The following SUMF1 variants were observed in gnomAD, a reference collection of about 807,000 sequenced individuals.
The protein encoded by SUMF1 is formylglycine-generating enzyme.
In SUMF1, 48 loss-of-function variants were observed where a neutral mutation model predicts 47.6. The ratio of observed to expected loss-of-function variants is 1.01; its 90% CI spans 0.80 to 1.28. The LOEUF (loss-of-function observed/expected upper bound fraction) is 1.28. Ranked by LOEUF, SUMF1 falls within the 50% of genes most tolerant of loss-of-function variation. The pLI, the probability that SUMF1 is intolerant of heterozygous loss-of-function variation, is 0.00. For missense variants in SUMF1, 571 were observed against 485.4 expected, an observed-to-expected ratio of 1.18 and a Z score of -1.66; for synonymous variants, 230 against 192.1, an observed-to-expected ratio of 1.20 and a Z score of -1.63.
intron 8 of SUMF1, among the ~76,000 whole-genome samples, chr3:4,180,307 A>G (rs1420311251): frequency 1.3e-5 from 2 of 152,202 alleles, no homozygotes; most frequent in Admixed American, 1.3e-4. Flanking sequence ...ATGTCCATCA[A>G]TGATAGACTG....
chr3:4,197,013 C>T (rs1009321533), intron 8 of SUMF1, among the ~76,000 whole-genome samples: 17 of 152,124 alleles, frequency 1.1e-4, no homozygotes, highest in Non-Finnish European at 2.2e-4. Context: ...CTGAGATACA[C>T]ATGGACACTC....
At position 4,067,272 on chromosome 3, in the gene SUMF1, C is replaced by T. The variant is rs73806859; in HGVS notation, c.1191+1297G>A. On this transcript the variant is annotated intron_variant and NMD_transcript_variant, in intron 9 of 12. Transcript: ENST00000448413. ...CCACTCTCATCTCCACCCTTGGTTC[C>T]CATACCTGGGCATTCTGGCTATAAG... 6.0e-3 allele frequency among the ~76,000 whole-genome samples: 909 copies of T among 152,220 alleles called. 16 individuals are homozygous for T. Among genetic ancestry groups the T allele is most frequent in the African/African-American group, 0.021 (875 of 41,526 alleles).
intron 8 of SUMF1, among the ~76,000 whole-genome samples, chr3:4,342,378 CA>C (rs1190860241): frequency 4.6e-5 from 7 of 152,048 alleles, no homozygotes. Flanking sequence ...ACTAAAAATA[CA>C]AAAATTAGCT....
intron 8 of SUMF1, among the ~76,000 whole-genome samples, chr3:4,133,768 C>A (rs1295092991): frequency 6.6e-6 from 1 of 152,030 alleles, no homozygotes; most frequent in Non-Finnish European, 1.5e-5. Context: ...GTAGGACCTT[C>A]TGATCATGTG....
chr3:4,055,505 C>T (rs1354902809), intron 9 of SUMF1, among the ~76,000 whole-genome samples: 1 of 152,016 alleles, frequency 6.6e-6, no homozygotes, highest in African/African-American at 2.4e-5. Context: ...TTTTTAGAGA[C>T]AGAGTCTCGC....
At chr3:4,102,279 A>G (rs913114513) in intron 8 of SUMF1, among the ~76,000 whole-genome samples, 1 of 152,184 alleles carries the variant, frequency 6.6e-6, no homozygotes, top group Non-Finnish European at 1.5e-5. Context: ...ATCAATAAGC[A>G]TTTGTACAAA....
At chr3:4,355,047 A>G (rs1699587893) in intron 8 of SUMF1, among the ~76,000 whole-genome samples, 1 of 152,188 alleles carries the variant, frequency 6.6e-6, no homozygotes, top group African/African-American at 2.4e-5. Context: ...ACGATGCTAA[A>G]CTGCCTTTTA....
chr3:4,329,207 G>A (rs551730948), intron 8 of SUMF1, among the ~76,000 whole-genome samples: 2 of 152,300 alleles, frequency 1.3e-5, no homozygotes, highest in East Asian at 3.9e-4. Flanking sequence ...CTGGGGTCTG[G>A]AGGACGGTGG....
At chr3:4,123,635 A>G (rs1405927952) in intron 8 of SUMF1, among the ~76,000 whole-genome samples, 1 of 152,162 alleles carries the variant, frequency 6.6e-6, no homozygotes, top group Non-Finnish European at 1.5e-5. Context: ...AGAACTAGGA[A>G]AGTAGCACAG....
chr3:4,419,539 T>C (rs553955840), intron 4 of SUMF1, among the ~76,000 whole-genome samples: 1 of 152,282 alleles, frequency 6.6e-6, no homozygotes, highest in Non-Finnish European at 1.5e-5. Flanking sequence ...ATTATTTCCT[T>C]GCCACCCTGG....
intron 9 of SUMF1, among the ~76,000 whole-genome samples, chr3:4,041,842 A>G (rs1317629397): frequency 6.6e-6 from 1 of 152,194 alleles, no homozygotes; most frequent in East Asian, 1.9e-4. Flanking sequence ...AACCGGCAGC[A>G]CAGCTTTTTC....
chr3:4,310,725 G>A (rs955831530), intron 8 of SUMF1, among the ~76,000 whole-genome samples: 18 of 152,026 alleles, frequency 1.2e-4, no homozygotes, highest in African/African-American at 3.9e-4. Flanking sequence ...TTTTTCACCT[G>A]CTTTCCTGAT....
intron 8 of SUMF1, among the ~76,000 whole-genome samples, chr3:4,196,122 CTT>C (rs1695423526): frequency 6.6e-6 from 1 of 152,054 alleles, no homozygotes; most frequent in Admixed American, 6.6e-5. Context: ...ATATTAGTAA[CTT>C]ATTTCTTCTC....
intron 8 of SUMF1, among the ~76,000 whole-genome samples, chr3:4,297,759 T>G (rs765331187): frequency 2.6e-5 from 4 of 152,046 alleles, no homozygotes; most frequent in Non-Finnish European, 5.9e-5. Flanking sequence ...AACAAATATG[T>G]AAGTAATTTC....
At chr3:4,419,674 C>G (rs905995849) in intron 4 of SUMF1, among the ~76,000 whole-genome samples, 1 of 152,138 alleles carries the variant, frequency 6.6e-6, no homozygotes, top group Non-Finnish European at 1.5e-5. Context: ...CAGTGGCAAC[C>G]TGGGAGGACA....
At chr3:4,100,322 G>A (rs1000140319) in intron 8 of SUMF1, among the ~76,000 whole-genome samples, 5 of 151,788 alleles carry the variant, frequency 3.3e-5, no homozygotes, top group Non-Finnish European at 7.4e-5. Context: ...AAATGGCATA[G>A]GACTGGCATA....
intron 8 of SUMF1, among the ~76,000 whole-genome samples, chr3:4,087,210 C>A (rs77794794): frequency 2.6e-4 from 40 of 151,982 alleles, no homozygotes; most frequent in African/African-American, 8.5e-4. Context: ...GACACAGACT[C>A]TGTGTGTGAC....
intron 8 of SUMF1, among the ~76,000 whole-genome samples, chr3:4,171,183 A>C (rs1694824756): frequency 6.6e-6 from 1 of 152,186 alleles, no homozygotes; most frequent in African/African-American, 2.4e-5. Flanking sequence ...ATCATGCAGA[A>C]TTTTGCTAAC....
intron 8 of SUMF1, chr3:4,068,878 C>T (rs370032269): frequency 8.2e-5 from 18 of 219,528 alleles, no homozygotes; most frequent in Admixed American, 1.1e-4. Context: ...CAAACTACAA[C>T]GAAAAATGGA....
Sources: allele counts gnomAD v4.1 joint callset (sites outside exome capture counted in the v4.1 genomes callset), GRCh38; gene constraint gnomAD v4.1.1; transcripts MANE v1.5; gene names NCBI Gene and HGNC (gene_info 2026-07-23, HGNC 2026-07-21).